The following IL31RA variants were observed in gnomAD, a reference collection of about 807,000 sequenced individuals.
IL31RA encodes the protein interleukin-31 receptor subunit alpha.
Under a neutral mutation model 83.7 loss-of-function variants are expected in IL31RA, and 66 were observed. The ratio of observed to expected loss-of-function variants is 0.79; its 90% CI spans 0.65 to 0.97. IL31RA has a LOEUF of 0.97. Ranked by LOEUF, IL31RA falls within the 50% of genes least tolerant of loss-of-function variation. The pLI is 0.00. For synonymous variants in IL31RA, 325 were observed against 329.0 expected, an observed-to-expected ratio of 0.99 and a Z score of 0.13; for missense variants, 798 against 919.4, an observed-to-expected ratio of 0.87 and a Z score of 1.71.
chr5:55,839,981 G>T, the IL31RA span: 1 of 602,558 alleles, frequency 1.7e-6, no homozygotes, highest in South Asian at 1.8e-5. Context: ...GCAAGCCGTG[G>T]ACCTTCAACA....
intron 4 of IL31RA, among the ~76,000 whole-genome samples, chr5:55,879,098 G>A (rs931045574): frequency 3.9e-5 from 6 of 152,154 alleles, no homozygotes; most frequent in African/African-American, 1.2e-4. Context: ...TTTATGAGCA[G>A]TGCCTGGCTC....
chr5:55,882,127 C>T (rs181493564), intron 4 of IL31RA, among the ~76,000 whole-genome samples: 16 of 152,234 alleles, frequency 1.1e-4, no homozygotes, highest in African/African-American at 3.9e-4. Context: ...TGCAAGGCAG[C>T]GTGACAATGG....
At position 55,869,081 on chromosome 5, in the gene IL31RA, G is replaced by A. The variant is rs148942859; in HGVS notation, c.272+173G>A. Among the ~76,000 whole-genome samples the A allele has an allele frequency of 1.4e-4, 21 of 152,298 alleles. No homozygotes were observed. In the East Asian group the frequency reaches 3.7e-3, roughly 27 times the overall value. On this transcript the variant is annotated intron_variant, in intron 3 of 14. Coordinates refer to ENST00000652347, the MANE Select transcript of IL31RA (RefSeq NM_139017.7). ...ACGGGATCTGGAGCTGCAGAGGGAG[G>A]GGAGGCATAGCCAGTGTTGACCTCC...
intron 7 of IL31RA, among the ~76,000 whole-genome samples, chr5:55,897,015 A>AT (rs1178147444): frequency 3.6e-3 from 3 of 844 alleles, no homozygotes; most frequent in East Asian, 0.013. Context: ...ATATATATAT[A>AT]TTTTTTTTTT....
intron 11 of IL31RA, 141 bp downstream of exon 11, chr5:55,908,552 G>C (rs753531151): frequency 6.4e-7 from 1 of 1,572,316 alleles, no homozygotes; most frequent in South Asian, 1.2e-5. Context: ...AAATCTCTCT[G>C]AAAATGGGGC....
intron 5 of IL31RA, 28 bp downstream of exon 5, chr5:55,883,223 C>T (rs1365285691): frequency 3.8e-6 from 6 of 1,565,398 alleles, no homozygotes; most frequent in Non-Finnish European, 5.3e-6. Flanking sequence ...AATAATATTC[C>T]AATTAGAGGC....
At chr5:55,840,057 C>G in the IL31RA span, 2 of 398,986 alleles carry the variant, frequency 5.0e-6, no homozygotes, top group Non-Finnish European at 9.6e-6. Flanking sequence ...TCAAAACAGA[C>G]CAGACACCTG....
At position 55,851,592 on chromosome 5, in the gene IL31RA, T is replaced by G; in HGVS notation, c.22T>G (p.Phe8Val). 2 of 1,613,868 alleles carry G rather than the reference T, an allele frequency of 1.2e-6. No homozygotes were observed. Among genetic ancestry groups the G allele is most frequent in the Non-Finnish European group, 1.7e-6 (2 of 1,179,870 alleles). MCIRQLK[F>V]FTTACVCECP... ...GGGAATGTGCATCAGGCAACTCAAG[T>G]TTTTCACCACGGCATGTGTCTGTGA... Residue 8 changes from phenylalanine (F) to valine (V), a missense_variant, in exon 1 of 15, where the codon TTT (phenylalanine) becomes GTT (valine). Phe to Val is a conservative substitution (Grantham distance 50). Transcript: ENST00000652347.
chr5:55,907,468 TG>T lies in IL31RA; in HGVS notation c.1354+10del. 1 of 1,572,648 alleles carries T rather than the reference TG, an allele frequency of 6.4e-7. No homozygotes were observed. Among genetic ancestry groups the T allele is most frequent in the Non-Finnish European group, 8.8e-7 (1 of 1,142,026 alleles). ...CTTATGCCAAAGAAGGCGGTATGAA[TG>T]GACAAGACCCTGTGGGGAAAAGGAA... On this transcript the variant is annotated intron_variant, in intron 10 of 14. Coordinates refer to ENST00000652347, the MANE Select transcript of IL31RA (RefSeq NM_139017.7).
intron 12 of IL31RA, among the ~76,000 whole-genome samples, chr5:55,913,079 T>TTTTTTG (rs140635074): frequency 1.3e-5 from 2 of 151,274 alleles, no homozygotes; most frequent in African/African-American, 4.9e-5. Flanking sequence ...CAAAATTCTG[T>TTTTTTG]TTTTTGTTTT....
chr5:55,913,410 T>A lies in IL31RA; in HGVS notation c.1643-67T>A, dbSNP rs375506408. ...TTGCTGAAGCTACTAGAAGAAAAAG[T>A]TAATCATTGATTTTTGTCAAGAAGG... On this transcript the variant is annotated intron_variant, in intron 12 of 14. Coordinates refer to ENST00000652347, the MANE Select transcript of IL31RA (RefSeq NM_139017.7). 6.3e-5 allele frequency: 62 copies of A among 979,930 alleles called. No individual in the cohort carries two copies. In the East Asian group the frequency reaches 1.4e-3, roughly 21 times the overall value. The allele number at this position is 979,930 out of a possible 1,614,324, so 60.7% of individuals were successfully genotyped here. A position where few individuals can be genotyped will look rare whatever the true frequency, so the allele number is the denominator to read the frequency against.
upstream of IL31RA, among the ~76,000 whole-genome samples, chr5:55,847,272 TA>T (rs1744957411): frequency 7.2e-6 from 1 of 138,356 alleles, no homozygotes; most frequent in African/African-American, 2.7e-5. Context: ...AATAAATAAA[TA>T]AATAAATAAA....
At chr5:55,894,807 C>T (rs761438207) in intron 6 of IL31RA, among the ~76,000 whole-genome samples, 38 of 152,222 alleles carry the variant, frequency 2.5e-4, no homozygotes, top group Non-Finnish European at 3.5e-4. Context: ...ATCTCCGCTT[C>T]CCGGGTTCAA....
At chr5:55,897,727 G>A (rs1048226972) in intron 7 of IL31RA, among the ~76,000 whole-genome samples, 4 of 152,060 alleles carry the variant, frequency 2.6e-5, no homozygotes, top group Admixed American at 1.3e-4. Context: ...TAGAAAATGG[G>A]GGGACAAGGG....
At chr5:55,900,540 C>G (rs969532438) in intron 8 of IL31RA, among the ~76,000 whole-genome samples, 1 of 152,186 alleles carries the variant, frequency 6.6e-6, no homozygotes, top group Non-Finnish European at 1.5e-5. Flanking sequence ...CATCCCCATC[C>G]TTGGTTTAAT....
Position 55,916,732 on chromosome 5 carries a change from T to C in IL31RA, c.1907T>C (p.Val636Ala). ...TGTTCCACCCCCAGTGACAAGTTGG[T>C]GATTGACAAGTTGGTGGTGAACTTT... ...KPCSTPSDKL[V>A]IDKLVVNFGN... is the part of the protein sequence containing the mutation. Residue 636 changes from valine to alanine, a missense_variant, in exon 15 of 15, where the codon GTG becomes GCG. Physicochemically the swap from Val to Ala is moderately conservative, Grantham distance 64 (BLOSUM62 0). Coordinates refer to ENST00000652347, the MANE Select transcript of IL31RA (RefSeq NM_139017.7). 6.2e-7 allele frequency: 1 copy of C among 1,614,144 alleles called. No individual in the cohort carries two copies. The highest frequency in any genetic ancestry group is 8.5e-7 in the Non-Finnish European group (1 of 1,180,014).
chr5:55,861,822 A>G (rs1745706861), intron 2 of IL31RA, among the ~76,000 whole-genome samples: 1 of 152,150 alleles, frequency 6.6e-6, no homozygotes, highest in Non-Finnish European at 1.5e-5. Context: ...ACTGGCTCCA[A>G]TATCCACCAT....
At position 55,883,182 on chromosome 5, in the gene IL31RA, A is replaced by G. The variant is rs1202981249; in HGVS notation, c.593A>G (p.Asn198Ser). 2 of 1,613,342 alleles carry G rather than the reference A, an allele frequency of 1.2e-6. No homozygotes were observed. The highest frequency in any genetic ancestry group is 2.7e-5 in the African/African-American group (2 of 74,786). Residue 198 changes from asparagine (N) to serine (S), a missense_variant, in exon 5 of 15, where the codon AAC becomes AGC. Coordinates refer to ENST00000652347, the MANE Select transcript of IL31RA (RefSeq NM_139017.7). Reference sequence around the variant, plus strand: ...TACACACTTCGATTCAGGACAGTCAACAGTACCAGCTGGGTAAGTTATGCC... The same window carrying G: ...TACACACTTCGATTCAGGACAGTCAGCAGTACCAGCTGGGTAAGTTATGCC... The part of the protein sequence containing the change: ...LKYTLRFRTV[N>S]STSWMEVNFA...
At chr5:55,892,803 T>G (rs1429376464) in intron 6 of IL31RA, among the ~76,000 whole-genome samples, 1 of 152,212 alleles carries the variant, frequency 6.6e-6, no homozygotes, top group East Asian at 1.9e-4. Context: ...AGAAAAAAGA[T>G]TTGCTATTTC....
Sources: gnomAD v4.1 joint callset for allele counts (sites outside exome capture counted in the v4.1 genomes callset) on GRCh38, gnomAD v4.1.1 for gene constraint, MANE v1.5 for transcripts, NCBI Gene and HGNC (gene_info 2026-07-23, HGNC 2026-07-21) for gene names.